HNRNPH1: variants seen among roughly 807,000 people sequenced by gnomAD.
The protein encoded by HNRNPH1 is heterogeneous nuclear ribonucleoprotein H1.
A neutral mutation model predicts 58.6 loss-of-function variants in HNRNPH1; 4 were observed. That is an observed-to-expected ratio of 0.07 (90% CI 0.03 to 0.16). HNRNPH1 has a LOEUF of 0.16. HNRNPH1 is among the 10% of genes least tolerant of loss of function. The pLI is 1.00. For synonymous variants in HNRNPH1, 192 were observed against 189.2 expected, an observed-to-expected ratio of 1.01 and a Z score of -0.12; for missense variants, 271 against 564.2, an observed-to-expected ratio of 0.48 and a Z score of 5.26.
At chr5:179,616,541 CAA>C (rs1336060149) in intron 10 of HNRNPH1, 1 of 513,396 alleles carries the variant, frequency 1.9e-6, no homozygotes, top group African/African-American at 1.9e-5. Context: ...TTTGATACAT[CAA>C]AGGCATGTCA....
In HNRNPH1 at chr5:179,616,041, A is replaced by G. The variant is rs527658463; in HGVS notation, c.1300+85T>C. ...TGCGACTTACTCTAAGTACAGTAAC[A>G]GGCTTTACCATAACTTACTCTAAGT... On this transcript the variant is annotated intron_variant, in intron 11 of 12. Transcript: ENST00000356731. The G allele has an allele frequency of 1.0e-5, 12 of 1,189,630 alleles. No individual in the cohort carries two copies. The South Asian group carries it at 1.3e-4, about 13-fold the overall frequency. The allele number at this position is 1,189,630 out of a possible 1,614,324, so 73.7% of individuals were successfully genotyped here. A position where few individuals can be genotyped will look rare whatever the true frequency, so the allele number is the denominator to read the frequency against.
upstream of HNRNPH1, chr5:179,624,734 A>AC: frequency 2.5e-6 from 1 of 396,942 alleles, no homozygotes; most frequent in African/African-American, 2.1e-5. Context: ...TGCCTTCCTC[A>AC]CCCCAGCTTT....
chr5:179,624,302 T>G, exon 1 of HNRNPH1: 1 of 391,040 alleles, frequency 2.6e-6, no homozygotes, highest in Non-Finnish European at 4.5e-6. Context: ...CCTGTGTGCC[T>G]CCACTTCCCC....
exon 1 of HNRNPH1, chr5:179,624,295 G>C: frequency 2.6e-6 from 1 of 389,628 alleles, no homozygotes; most frequent in East Asian, 3.6e-5. Flanking sequence ...TCCCAGCCCT[G>C]TGTGCCTCCA....
chr5:179,633,290 CTGTTTGTTTGTT>C lies in HNRNPH1; in HGVS notation c.-32+763_-32+774del, dbSNP rs71001019. 7.3e-3 allele frequency among the ~76,000 whole-genome samples: 1,089 copies of C among 149,228 alleles called. 19 individuals are homozygous for C. The highest frequency in any genetic ancestry group is 0.026 in the African/African-American group (1,041 of 40,456). On this transcript the variant is annotated intron_variant, in intron 2 of 4. Coordinates refer to the HNRNPH1 transcript ENST00000521116. ...ACAGGTGTGAGCCACCACGCCCGGC[CTGTTTGTTTGTT>C]TGTTTGTTTGTTTGAGACAGTCTCA...
intron 12 of HNRNPH1, 92 bp from the exon 14 acceptor site, chr5:179,615,051 C>G: frequency 1.2e-6 from 1 of 813,442 alleles, no homozygotes; most frequent in Non-Finnish European, 2.1e-6. Context: ...AAAAAGTATA[C>G]GAGTACAAAT....
exon 1 of HNRNPH1, chr5:179,623,192 G>C: frequency 7.8e-7 from 1 of 1,274,402 alleles, no homozygotes; most frequent in South Asian, 1.2e-5. Flanking sequence ...CCAGAACTGA[G>C]AGCGCCAATT....
chr5:179,618,327 A>G lies in HNRNPH1; in HGVS notation c.537-4T>C, dbSNP rs1554132096. On this transcript the variant is annotated splice_region_variant and splice_polypyrimidine_tract_variant and intron_variant, in intron 4 of 12. Coordinates refer to ENST00000356731, the Ensembl canonical transcript of HNRNPH1. ...GCTCTTAAAGATTTCAATATACCTAAAGCATTGTTCATAAGGAAGGGGTAG... is the reference window on the plus strand; with the variant it reads ...GCTCTTAAAGATTTCAATATACCTAGAGCATTGTTCATAAGGAAGGGGTAG... The G allele has an allele frequency of 6.2e-7, 1 of 1,601,526 alleles. No homozygotes were observed. The highest frequency in any genetic ancestry group is 1.1e-5 in the South Asian group (1 of 89,574).
chr5:179,632,646 G>C (rs1012051993), intron 2 of HNRNPH1, among the ~76,000 whole-genome samples: 6 of 152,304 alleles, frequency 3.9e-5, no homozygotes, highest in African/African-American at 1.4e-4. Context: ...TTCACGCTGC[G>C]CGCCTCCTCC....
exon 13 of HNRNPH1, chr5:179,614,856 A>G: frequency 6.6e-7 from 1 of 1,520,714 alleles, no homozygotes; most frequent in Non-Finnish European, 8.9e-7. Context: ...TTCCCCATCC[A>G]CCACTCATAC....
intron 12 of HNRNPH1, 116 bp downstream of exon 13, chr5:179,615,430 G>T: frequency 1.8e-6 from 1 of 569,422 alleles, no homozygotes; most frequent in Non-Finnish European, 3.2e-6. Context: ...AACTCACTGT[G>T]CCCAAATGGC....
At chr5:179,618,386 A>C in intron 4 of HNRNPH1, 63 bp from the exon 6 acceptor site, 3 of 1,142,394 alleles carry the variant, frequency 2.6e-6, no homozygotes, top group Non-Finnish European at 3.8e-6. Flanking sequence ...CATTTTATAC[A>C]GGTATTTAGT....
exon 1 of HNRNPH1, chr5:179,623,077 G>A (rs1773495011): frequency 5.0e-6 from 8 of 1,605,946 alleles, no homozygotes; most frequent in Non-Finnish European, 5.1e-6. Flanking sequence ...AGCAAGACCA[G>A]GGCAAGCCCC....
At chr5:179,621,683 T>A (rs1772415962) in intron 1 of HNRNPH1, 1 of 441,272 alleles carries the variant, frequency 2.3e-6, no homozygotes, top group Non-Finnish European at 4.1e-6. Flanking sequence ...ACACATCTTT[T>A]ATCAATTTCT....
intron 2 of HNRNPH1, among the ~76,000 whole-genome samples, chr5:179,632,433 C>T (rs1417529188): frequency 6.6e-6 from 1 of 152,272 alleles, no homozygotes; most frequent in Non-Finnish European, 1.5e-5. Context: ...CGCGTCTCTC[C>T]GCCTTCGCTG....
At chr5:179,625,654 C>T (rs906071353), upstream of HNRNPH1, among the ~76,000 whole-genome samples, 12 of 126,870 alleles carry the variant, frequency 9.5e-5, no homozygotes, top group East Asian at 6.1e-4. Context: ...AGCAAAACTC[C>T]GTCTCAAAAA....
intron 2 of HNRNPH1, among the ~76,000 whole-genome samples, chr5:179,633,230 A>G (rs951234163): frequency 1.2e-4 from 18 of 151,808 alleles, no homozygotes; most frequent in African/African-American, 2.7e-4. Flanking sequence ...GAGATCAGGT[A>G]ATCCGCCGCC....
intron 8 of HNRNPH1, 58 bp from the exon 10 acceptor site, chr5:179,617,168 C>CA: frequency 6.5e-7 from 1 of 1,532,264 alleles, no homozygotes; most frequent in Non-Finnish European, 9.0e-7. Flanking sequence ...ACAGAATAAG[C>CA]ACTTTTATAA....
chr5:179,632,001 G>A (rs1774864978), intron 2 of HNRNPH1, among the ~76,000 whole-genome samples: 1 of 152,088 alleles, frequency 6.6e-6, no homozygotes, highest in Non-Finnish European at 1.5e-5. Context: ...TGCAAGCTGC[G>A]GAGACTTAAG....
Sources: allele counts gnomAD v4.1 joint callset (sites outside exome capture counted in the v4.1 genomes callset), GRCh38; gene constraint gnomAD v4.1.1; transcripts MANE v1.5; gene names NCBI Gene and HGNC (gene_info 2026-07-23, HGNC 2026-07-21).